The following NSD1 variants were observed in gnomAD, a reference collection of about 807,000 sequenced individuals.
NSD1 encodes the protein histone-lysine N-methyltransferase, H3 lysine-36 specific.
Under a neutral mutation model 242.7 loss-of-function variants are expected in NSD1, and 26 were observed. That is an observed-to-expected ratio of 0.11 (90% CI 0.08 to 0.15). The LOEUF is 0.15. NSD1 is among the 10% of genes least tolerant of loss of function. The pLI, the probability that NSD1 is intolerant of heterozygous loss-of-function variation, is 1.00. For missense variants in NSD1, 2,495 were observed against 3,272.8 expected (o/e 0.76, Z 5.80); for synonymous variants, 1,106 against 1,178.1 (o/e 0.94, Z 1.25).
At chr5:177,256,509 C>G (rs1347197178) in intron 12 of NSD1, among the ~76,000 whole-genome samples, 1 of 152,176 alleles carries the variant, frequency 6.6e-6, no homozygotes, top group East Asian at 1.9e-4. Context: ...CCTCGACTTC[C>G]TGGACTCAAG....
rs1032905051 is a variant in NSD1 at position 177,226,891 on chromosome 5, A to G, written c.3797-8930A>G. Among the ~76,000 whole-genome samples the G allele has an allele frequency of 6.6e-5, 10 of 152,196 alleles. No homozygotes were observed. In the East Asian group the frequency reaches 1.2e-3, roughly 18 times the overall value. On this transcript the variant is annotated intron_variant, in intron 5 of 22. Coordinates refer to ENST00000439151, the MANE Select transcript of NSD1 (RefSeq NM_022455.5). ...TTTGATATGAATGAAGCTATGTTTC[A>G]GATGGTTAATTTACTTTGGTTGTTT...
At chr5:177,278,983 A>G (rs751807573) in intron 17 of NSD1, among the ~76,000 whole-genome samples, 7 of 152,192 alleles carry the variant, frequency 4.6e-5, no homozygotes, top group Non-Finnish European at 1.0e-4. Context: ...AACTCACCAA[A>G]CTTTCACTGT....
rs1238742232 is a variant in NSD1, at chr5:177,248,235, G to T, written c.4552G>T (p.Gly1518Cys). Residue 1518 changes from glycine (G) to cysteine (C), a missense_variant, in exon 11 of 23, where the codon GGT becomes TGT. Physicochemically the swap from Gly to Cys is radical, Grantham distance 159. Around this residue, in one of 19 missense-constraint regions of NSD1, gnomAD observed 97 missense variants for 97.7 expected, o/e 0.99. Transcript: ENST00000439151. ...ATSPKETVEE[G>C]VEHDPGMPAS... ...AAGCCCCAAGGAGACTGTTGAGGAA[G>T]GTGTAGAACACGATCCCGGGATGCC... 2 of 1,614,042 alleles carry T rather than the reference G, an allele frequency of 1.2e-6. No homozygotes were observed. Among genetic ancestry groups the T allele is most frequent in the Non-Finnish European group, 1.7e-6 (2 of 1,180,034 alleles).
At chr5:177,146,936 G>A (rs949792844) in intron 2 of NSD1, among the ~76,000 whole-genome samples, 1 of 151,730 alleles carries the variant, frequency 6.6e-6, no homozygotes, top group African/African-American at 2.4e-5. Context: ...GAACCCAGGA[G>A]GCGGAAGTTG....
intron 10 of NSD1, among the ~76,000 whole-genome samples, chr5:177,247,060 T>G (rs1459115295): frequency 6.6e-6 from 1 of 152,240 alleles, no homozygotes; most frequent in African/African-American, 2.4e-5. Context: ...GTTTCATCGT[T>G]AAGTAAACTT....
At chr5:177,178,567 C>G (rs1204445219) in intron 2 of NSD1, among the ~76,000 whole-genome samples, 3 of 151,936 alleles carry the variant, frequency 2.0e-5, no homozygotes, top group Non-Finnish European at 4.4e-5. Context: ...TAAGAAAAAC[C>G]CCTAAAAATA....
chr5:177,189,579 T>A (rs1761506103), intron 2 of NSD1, among the ~76,000 whole-genome samples: 1 of 152,178 alleles, frequency 6.6e-6, no homozygotes, highest in South Asian at 2.1e-4. Flanking sequence ...GAGTTGTATC[T>A]CCCCAGGTTT....
chr5:177,151,380 T>C (rs1362524635), intron 2 of NSD1, among the ~76,000 whole-genome samples: 1 of 151,972 alleles, frequency 6.6e-6, no homozygotes, highest in African/African-American at 2.4e-5. Context: ...CGAGACTCAG[T>C]CTTTTTTATT....
chr5:177,234,150 T>C (rs1240218398), intron 5 of NSD1, among the ~76,000 whole-genome samples: 2 of 152,200 alleles, frequency 1.3e-5, no homozygotes, highest in Non-Finnish European at 2.9e-5. Context: ...TCCTTACATA[T>C]GCAAAAAGTA....
At chr5:177,223,131 G>A (rs1332424807) in intron 5 of NSD1, among the ~76,000 whole-genome samples, 1 of 148,224 alleles carries the variant, frequency 6.7e-6, no homozygotes, top group Non-Finnish European at 1.5e-5. Flanking sequence ...AGGCTGCAAT[G>A]CAACCCAGAG....
intron 14 of NSD1, chr5:177,264,787 A>C: frequency 1.3e-6 from 1 of 746,702 alleles, no homozygotes; most frequent in Admixed American, 1.7e-5. Context: ...AAAGGGAAAG[A>C]GGAGAGGCAC....
At chr5:177,246,128 G>A (rs1405164968) in intron 9 of NSD1, among the ~76,000 whole-genome samples, 2 of 151,842 alleles carry the variant, frequency 1.3e-5, no homozygotes, top group East Asian at 3.9e-4. Context: ...GCACCACCAT[G>A]CCTGGCTAAT....
At chr5:177,139,157 A>G (rs1756595777) in intron 2 of NSD1, among the ~76,000 whole-genome samples, 2 of 152,010 alleles carry the variant, frequency 1.3e-5, no homozygotes, top group Non-Finnish European at 2.9e-5. Context: ...AGGCTGAGGC[A>G]GGAGAATCAC....
chr5:177,260,289 C>A, intron 14 of NSD1, 121 bp downstream of exon 14: 5 of 797,092 alleles, frequency 6.3e-6, no homozygotes, highest in East Asian at 3.2e-5. Flanking sequence ...TGATACTATT[C>A]ATCTGCCATT....
rs2127276605 is a variant in NSD1, at chr5:177,292,138, A to G, written c.6443A>G (p.Asn2148Ser). The change falls in exon 22 of 23, where the codon AAT (asparagine) becomes AGT (serine). Residue 2148 changes from asparagine (N) to serine (S), a missense_variant. Asn to Ser is a conservative substitution (Grantham distance 46). Coordinates refer to ENST00000439151, the MANE Select transcript of NSD1 (RefSeq NM_022455.5). ...CPKVYHADCLNLTKRPAGKWE... is the reference protein window; with the variant it reads ...CPKVYHADCLSLTKRPAGKWE... ...AAAGTTTACCACGCAGACTGTCTCA[A>G]TCTGACCAAGCGACCAGCAGGTTGG... The G allele has an allele frequency of 1.9e-6, 3 of 1,614,094 alleles. No homozygotes were observed. Among genetic ancestry groups the G allele is most frequent in the Non-Finnish European group, 2.5e-6 (3 of 1,180,010 alleles).
chr5:177,231,934 G>C (rs1045808288), intron 5 of NSD1, among the ~76,000 whole-genome samples: 1 of 152,050 alleles, frequency 6.6e-6, no homozygotes, highest in Admixed American at 6.6e-5. Flanking sequence ...GGGTTTTGCT[G>C]TGTCATTCAG....
At chr5:177,279,959 TCA>T (rs1758726824) in intron 17 of NSD1, among the ~76,000 whole-genome samples, 1 of 148,194 alleles carries the variant, frequency 6.7e-6, no homozygotes, top group Non-Finnish European at 1.5e-5. Context: ...TTTTTAAAGT[TCA>T]TATTTTATTT....
chr5:177,289,834 GTT>G (rs377041363), intron 21 of NSD1, among the ~76,000 whole-genome samples: 1 of 143,400 alleles, frequency 7.0e-6, no homozygotes, highest in Non-Finnish European at 1.5e-5. Context: ...GTTGTTTTGT[GTT>G]TTTTTTTTTG....
At chr5:177,273,883 C>A in intron 17 of NSD1, 99 bp downstream of exon 17, 2 of 839,322 alleles carry the variant, frequency 2.4e-6, no homozygotes, top group African/African-American at 1.7e-5. Context: ...AAGCATAGTT[C>A]GTTTTAGGTA....
Sources: allele counts gnomAD v4.1 joint callset (sites outside exome capture counted in the v4.1 genomes callset), GRCh38; gene constraint gnomAD v4.1.1; regional missense constraint gnomAD v4.1.1; transcripts MANE v1.5; gene names NCBI Gene and HGNC (gene_info 2026-07-23, HGNC 2026-07-21).